Variants in BMPR1B observed in about 807,000 individuals in gnomAD.
BMPR1B encodes the protein bone morphogenetic protein receptor type 1B.
Under a neutral mutation model 59.1 loss-of-function variants are expected in BMPR1B, and 12 were observed. The observed-to-expected ratio is 0.20, with a 90% CI of 0.13 to 0.33. The LOEUF (loss-of-function observed/expected upper bound fraction) is 0.33. Ranked by LOEUF, BMPR1B falls within the 10% of genes least tolerant of loss-of-function variation. The pLI, the probability that BMPR1B is intolerant of heterozygous loss-of-function variation, is 1.00. For synonymous variants in BMPR1B, 237 were observed against 207.3 expected, an observed-to-expected ratio of 1.14 and a Z score of -1.23; for missense variants, 550 against 610.9, an observed-to-expected ratio of 0.90 and a Z score of 1.05.
chr4:95,013,613 G>GT (rs1247624166), intron 3 of BMPR1B, among the ~76,000 whole-genome samples: 3 of 152,116 alleles, frequency 2.0e-5, no homozygotes, highest in Non-Finnish European at 4.4e-5. Context: ...ATTAGAAAAC[G>GT]TAAACTTTCG....
At chr4:94,854,534 C>G (rs78691417) in intron 1 of BMPR1B, among the ~76,000 whole-genome samples, 3,044 of 152,128 alleles carry the variant, frequency 0.02, 124 homozygotes, top group African/African-American at 0.068. Context: ...GTAGTTGTTG[C>G]CTTCTTGGAA....
At chr4:94,878,703 G>A (rs528014715) in intron 2 of BMPR1B, among the ~76,000 whole-genome samples, 1 of 150,880 alleles carries the variant, frequency 6.6e-6, no homozygotes, top group South Asian at 2.1e-4. Context: ...CAAACCAGTG[G>A]CCTCCCATAC....
At chr4:95,001,177 T>G (rs1369670597) in intron 3 of BMPR1B, among the ~76,000 whole-genome samples, 1 of 152,200 alleles carries the variant, frequency 6.6e-6, no homozygotes, top group Non-Finnish European at 1.5e-5. Flanking sequence ...TGTGCTATGT[T>G]GGTGTGCTGC....
chr4:95,062,463 G>A (rs1374962080), intron 3 of BMPR1B, among the ~76,000 whole-genome samples: 1 of 152,144 alleles, frequency 6.6e-6, no homozygotes, highest in African/African-American at 2.4e-5. Flanking sequence ...GTGAGAAGGG[G>A]ACAAAGTAGA....
intron 10 of BMPR1B, among the ~76,000 whole-genome samples, chr4:95,135,974 A>T (rs1391134414): frequency 6.6e-6 from 1 of 152,150 alleles, no homozygotes; most frequent in Non-Finnish European, 1.5e-5. Flanking sequence ...GTGTTTGCCC[A>T]TTCAGTATGA....
At chr4:94,874,795 C>A (rs1479031730) in intron 1 of BMPR1B, among the ~76,000 whole-genome samples, 1 of 152,022 alleles carries the variant, frequency 6.6e-6, no homozygotes, top group Admixed American at 6.6e-5. Flanking sequence ...AGTTCGAGAC[C>A]AGCCTGACCA....
intron 2 of BMPR1B, among the ~76,000 whole-genome samples, chr4:94,944,569 G>A (rs1729636662): frequency 1.3e-5 from 2 of 152,176 alleles, no homozygotes; most frequent in African/African-American, 2.4e-5. Context: ...ACCATGTGCA[G>A]TTTTCCTTCA....
intron 2 of BMPR1B, among the ~76,000 whole-genome samples, chr4:94,896,353 A>G (rs114308586): frequency 1.1e-3 from 171 of 152,126 alleles, no homozygotes; most frequent in African/African-American, 3.7e-3. Context: ...ATATTTGAGA[A>G]TGAAGATTTT....
chr4:95,051,775 A>G (rs937327989), intron 3 of BMPR1B: 1 of 1,535,408 alleles, frequency 6.5e-7, no homozygotes, highest in South Asian at 1.2e-5. Flanking sequence ...CACAAGGGGT[A>G]AGAAGATCAG....
chr4:94,992,241 T>C (rs1260616937), intron 2 of BMPR1B, among the ~76,000 whole-genome samples: 1 of 152,262 alleles, frequency 6.6e-6, no homozygotes, highest in African/African-American at 2.4e-5. Flanking sequence ...TTGTTAGTCC[T>C]ATCTTTCTGC....
At chr4:94,831,638 A>G (rs1342274344) in intron 1 of BMPR1B, among the ~76,000 whole-genome samples, 1 of 152,060 alleles carries the variant, frequency 6.6e-6, no homozygotes, top group Non-Finnish European at 1.5e-5. Context: ...GTATGTTTAG[A>G]TATGTTAAAA....
chr4:94,985,252 G>A (rs1435876122), intron 2 of BMPR1B, among the ~76,000 whole-genome samples: 1 of 152,046 alleles, frequency 6.6e-6, no homozygotes, highest in East Asian at 1.9e-4. Context: ...GGAGGAGAAA[G>A]GAAAGTGGTG....
chr4:94,910,976 T>G (rs932083674), intron 2 of BMPR1B, among the ~76,000 whole-genome samples: 1 of 152,124 alleles, frequency 6.6e-6, no homozygotes, highest in Admixed American at 6.6e-5. Flanking sequence ...AAAGGACTTA[T>G]TAAATTGACT....
intron 2 of BMPR1B, among the ~76,000 whole-genome samples, chr4:94,898,552 T>C (rs1727677502): frequency 6.6e-6 from 1 of 152,054 alleles, no homozygotes; most frequent in Non-Finnish European, 1.5e-5. Flanking sequence ...CCTGCCACCA[T>C]GTGAAGAAGG....
chr4:94,792,913 T>G (rs1723036227), intron 1 of BMPR1B, among the ~76,000 whole-genome samples: 2 of 152,172 alleles, frequency 1.3e-5, no homozygotes, highest in South Asian at 4.1e-4. Context: ...TTTTAGAAAA[T>G]TACTGTCTCA....
At chr4:94,993,850 G>A (rs922950179) in intron 2 of BMPR1B, among the ~76,000 whole-genome samples, 2 of 151,270 alleles carry the variant, frequency 1.3e-5, no homozygotes, top group African/African-American at 4.9e-5. Flanking sequence ...GAGGCAGCGA[G>A]ATGGAAATAA....
At chr4:94,919,802 T>C (rs1042375189) in intron 2 of BMPR1B, among the ~76,000 whole-genome samples, 4 of 152,196 alleles carry the variant, frequency 2.6e-5, no homozygotes, top group Admixed American at 6.5e-5. Flanking sequence ...TTTCTAAAAA[T>C]GTTATACCCA....
chr4:94,765,073 C>T (rs1721918612), intron 1 of BMPR1B, among the ~76,000 whole-genome samples: 1 of 152,112 alleles, frequency 6.6e-6, no homozygotes, highest in Non-Finnish European at 1.5e-5. Context: ...TCTTGTTAAC[C>T]TGCATATATT....
chr4:94,783,717 C>G (rs2110590522), intron 1 of BMPR1B, among the ~76,000 whole-genome samples: 1 of 152,280 alleles, frequency 6.6e-6, no homozygotes, highest in East Asian at 1.9e-4. Flanking sequence ...AAGGTGAAGG[C>G]CTTTAGGGCA....
Sources: allele counts gnomAD v4.1 joint callset (sites outside exome capture counted in the v4.1 genomes callset), GRCh38; gene constraint gnomAD v4.1.1; transcripts MANE v1.5; gene names NCBI Gene and HGNC (gene_info 2026-07-23, HGNC 2026-07-21).